Variants in HINT1 observed in about 807,000 individuals in gnomAD.
HINT1 encodes adenosine 5'-monophosphoramidase HINT1.
Under a neutral mutation model 11.2 loss-of-function variants are expected in HINT1, and 12 were observed. The observed-to-expected ratio is 1.07, with a 90% CI of 0.69 to 1.74. The LOEUF is 1.74. Among genes scored for constraint, HINT1 ranks in the 40% most tolerant of loss-of-function variants. The pLI, the probability that HINT1 is intolerant of heterozygous loss-of-function variation, is 0.00. For synonymous variants in HINT1, 42 were observed against 52.6 expected, an observed-to-expected ratio of 0.80 and a Z score of 0.87; for missense variants, 150 against 161.8, an observed-to-expected ratio of 0.93 and a Z score of 0.40.
In HINT1 at chr5:131,159,526, C is replaced by T. The variant is rs1333885799; in HGVS notation, c.302G>A (p.Gly101Asp). ...ATAGACAGACTGTCCACCATCTGAA[C>T]CTTCATTCACCACCATTCGATAACC... The part of the protein sequence containing the change: ...NKGYRMVVNE[G>D]SDGGQSVYHV... The change falls in exon 3 of 3, where the codon GGT becomes GAT. Residue 101 changes from glycine to aspartate, a missense_variant. By Grantham distance (94) the Gly-to-Asp change is moderately conservative. Coordinates refer to ENST00000304043, the MANE Select transcript of HINT1 (RefSeq NM_005340.7). The T allele has an allele frequency of 1.2e-6, 2 of 1,613,678 alleles. No homozygotes were observed. The highest frequency in any genetic ancestry group is 2.7e-5 in the African/African-American group (2 of 74,834).
At chr5:131,161,374 C>T (rs3864281) in intron 2 of HINT1, among the ~76,000 whole-genome samples, 17,940 of 151,906 alleles carry the variant, frequency 0.12, 2,627 homozygotes, top group African/African-American at 0.34. Context: ...AAGGCTGAGG[C>T]GGGTGGATCA....
intron 2 of HINT1, chr5:131,160,562 T>C: frequency 6.0e-6 from 2 of 334,010 alleles, no homozygotes; most frequent in Non-Finnish European, 8.8e-6. Flanking sequence ...GGGAACTCCT[T>C]TAATTCCTTT....
rs1291476552 is a variant in HINT1 at position 131,162,717 on chromosome 5, T to A, written c.112-41A>T. ...ATAAATAAATAAATCAAACTTTTAG[T>A]ATATTGGTAGGATAAAACTTATTTC... On this transcript the variant is annotated intron_variant, in intron 1 of 2. Coordinates refer to ENST00000304043, the MANE Select transcript of HINT1 (RefSeq NM_005340.7). 6.8e-6 allele frequency: 9 copies of A among 1,326,272 alleles called. No individual in the cohort carries two copies. In the Admixed American group the frequency reaches 1.3e-4, roughly 19 times the overall value. The allele number at this position is 1,326,272 out of a possible 1,614,324, so 82.2% of individuals were successfully genotyped here.
rs1048322333 is a variant in HINT1, at chr5:131,162,600, A to G, written c.188T>C (p.Ile63Thr). The G allele has an allele frequency of 6.2e-7, 1 of 1,613,352 alleles. No homozygotes were observed. The highest frequency in any genetic ancestry group is 8.5e-7 in the Non-Finnish European group (1 of 1,179,276). ...LVIPKKHISQ[I>T]SVAEDDDESL... ...TTCATCATCATCTTCTGCCACAGAA[A>G]TCTGGGATATATGTTTCTTGGGTAT... Residue 63 changes from isoleucine (I) to threonine (T), a missense_variant, in exon 2 of 3, where the codon ATT becomes ACT. Ile to Thr is a moderately conservative substitution (Grantham distance 89, BLOSUM62 -1). Transcript: ENST00000304043.
chr5:131,163,111 A>T (rs543226563), intron 1 of HINT1, among the ~76,000 whole-genome samples: 1 of 152,350 alleles, frequency 6.6e-6, no homozygotes, highest in East Asian at 1.9e-4. Context: ...TGCTGGGATT[A>T]CAGGCGTGAG....
chr5:131,164,794 C>G (rs1020229767), intron 1 of HINT1, among the ~76,000 whole-genome samples: 1 of 152,038 alleles, frequency 6.6e-6, no homozygotes, highest in South Asian at 2.1e-4. Flanking sequence ...CGGGCTTCCA[C>G]GCGGGGGCCC....
At position 131,162,207 on chromosome 5, in the gene HINT1, C is replaced by T. The variant is rs557115100; in HGVS notation, c.216+365G>A. ...GCCTTGGTGGCGGGCGCCTGTTGTC[C>T]CACTACTCGGGAGGCTGAGGCAGGA... is the stretch of plus-strand genomic sequence containing the variant. On this transcript the variant is annotated intron_variant, in intron 2 of 2. Transcript: ENST00000304043. 25 of 529,898 alleles carry T rather than the reference C, an allele frequency of 4.7e-5. No individual in the cohort carries two copies. The East Asian group carries it at 6.3e-4, about 13-fold the overall frequency. 32.8% of individuals were successfully genotyped at this position (529,898 alleles called of 1,614,324 possible). A position where few individuals can be genotyped will look rare whatever the true frequency, so the allele number is the denominator to read the frequency against.
intron 2 of HINT1, chr5:131,160,755 T>C (rs1330812327): frequency 2.5e-6 from 2 of 790,318 alleles, no homozygotes; most frequent in Non-Finnish European, 1.9e-6. Flanking sequence ...TGTGGCGATA[T>C]GCATTCAGGA....
intron 1 of HINT1, among the ~76,000 whole-genome samples, chr5:131,164,481 G>GGGTA (rs1050431367): frequency 6.6e-6 from 1 of 152,204 alleles, no homozygotes; most frequent in Non-Finnish European, 1.5e-5. Flanking sequence ...CGCTAGCCCA[G>GGGTA]GGTAGGCCTT....
At chr5:131,161,121 CT>C (rs1422394595) in intron 2 of HINT1, among the ~76,000 whole-genome samples, 1 of 152,120 alleles carries the variant, frequency 6.6e-6, no homozygotes, top group Non-Finnish European at 1.5e-5. Flanking sequence ...GGTTTTAAAG[CT>C]GGTTCAGTAA....
At chr5:131,164,469 C>T (rs1755338438) in intron 1 of HINT1, among the ~76,000 whole-genome samples, 1 of 152,238 alleles carries the variant, frequency 6.6e-6, no homozygotes. Context: ...AGGAGATCGC[C>T]TCGCTAGCCC....
intron 2 of HINT1, among the ~76,000 whole-genome samples, chr5:131,161,713 T>C (rs1023351354): frequency 6.6e-6 from 1 of 152,224 alleles, no homozygotes; most frequent in African/African-American, 2.4e-5. Flanking sequence ...TGTACAAATA[T>C]ATTGAATTAA....
rs536666027 is a variant in HINT1 at position 131,164,869 on chromosome 5, C to G, written c.111+226G>C. ...ACTCAGGGCGCCCGGCGGCCTGGCC[C>G]GCGCCCGGGGCAGATAACGAGTAAC... is the stretch of plus-strand genomic sequence containing the variant. On this transcript the variant is annotated intron_variant, in intron 1 of 2. Coordinates refer to ENST00000304043, the MANE Select transcript of HINT1 (RefSeq NM_005340.7). Among the ~76,000 whole-genome samples, 551 of 151,856 alleles carry G rather than the reference C, an allele frequency of 3.6e-3. 4 individuals are homozygous for G. The highest frequency in any genetic ancestry group is 0.013 in the African/African-American group (535 of 41,466).
chr5:131,159,554 T>C lies in HINT1; in HGVS notation c.274A>G (p.Lys92Glu). 1 of 1,613,796 alleles carries C rather than the reference T, an allele frequency of 6.2e-7. No homozygotes were observed. Among genetic ancestry groups the C allele is most frequent in the South Asian group, 1.1e-5 (1 of 91,058 alleles). ...TCATTCACCACCATTCGATAACCCT[T>C]ATTCAGGCCCAGATCAGCAGCACAT... ...KKCAADLGLN[K>E]GYRMVVNEGS... Residue 92 changes from lysine (K) to glutamate (E), a missense_variant, in exon 3 of 3, where the codon AAG becomes GAG. Physicochemically the swap from Lys to Glu is moderately conservative, Grantham distance 56. Coordinates refer to ENST00000304043, the MANE Select transcript of HINT1 (RefSeq NM_005340.7).
In HINT1 at chr5:131,162,706, C is replaced by A. The variant is rs369955429; in HGVS notation, c.112-30G>T. On this transcript the variant is annotated intron_variant, in intron 1 of 2. Transcript: ENST00000304043. ...GGAAAAGAGAAATAAATAAATAAAT[C>A]AAACTTTTAGTATATTGGTAGGATA... is the stretch of plus-strand genomic sequence containing the variant. 1,507 of 1,437,060 alleles carry A rather than the reference C, an allele frequency of 1.0e-3. 2 individuals carry two copies. Among genetic ancestry groups the A allele is most frequent in the Non-Finnish European group, 1.4e-3 (1,402 of 1,028,688 alleles). The allele number at this position is 1,437,060 out of a possible 1,614,324, so 89.0% of individuals were successfully genotyped here.
intron 2 of HINT1, 31 bp from the exon 3 acceptor site, chr5:131,159,642 A>T (rs1755199468): frequency 6.3e-7 from 1 of 1,594,578 alleles, no homozygotes; most frequent in Non-Finnish European, 8.6e-7. Flanking sequence ...TCTTAGGCAC[A>T]GGCAATTTAT....
chr5:131,165,034 C>A, intron 1 of HINT1, 61 bp downstream of exon 1: 1 of 1,608,038 alleles, frequency 6.2e-7, no homozygotes, highest in African/African-American at 1.3e-5. Context: ...CCGCGAGAAA[C>A]CCGAGGATCC....
At chr5:131,164,147 A>C (rs1237647693) in intron 1 of HINT1, among the ~76,000 whole-genome samples, 1 of 152,126 alleles carries the variant, frequency 6.6e-6, no homozygotes, top group Non-Finnish European at 1.5e-5. Context: ...CTTAGATTTT[A>C]TATTTCCTAA....
At chr5:131,162,219 A>AGG in intron 2 of HINT1, 1 of 550,596 alleles carries the variant, frequency 1.8e-6, no homozygotes, top group East Asian at 2.9e-5. Context: ...ACTACTCGGG[A>AGG]GGCTGAGGCA....
Sources: gnomAD v4.1 joint callset for allele counts (sites outside exome capture counted in the v4.1 genomes callset) on GRCh38, gnomAD v4.1.1 for gene constraint, MANE v1.5 for transcripts, NCBI Gene and HGNC (gene_info 2026-07-23, HGNC 2026-07-21) for gene names.